DNAAF11: variants seen among roughly 807,000 people sequenced by gnomAD.
The protein encoded by DNAAF11 is leucine rich repeat containing 6.
Under a neutral mutation model 60.8 loss-of-function variants are expected in DNAAF11, and 45 were observed. That is an observed-to-expected ratio of 0.74 (90% confidence interval 0.58 to 0.95). The LOEUF (loss-of-function observed/expected upper bound fraction) is 0.95, where lower values mean the gene tolerates loss of function less well. DNAAF11 is among the 40% of genes least tolerant of loss of function. The pLI, the probability that DNAAF11 is intolerant of heterozygous loss-of-function variation, is 0.00. For synonymous variants in DNAAF11, 191 were observed against 183.5 expected (o/e 1.04, Z -0.33); for missense variants, 546 against 546.2 (o/e 1.00, Z 0.00).
At chr8:132,598,321 G>A (rs548187825) in intron 10 of DNAAF11, among the ~76,000 whole-genome samples, 1 of 152,158 alleles carries the variant, frequency 6.6e-6, no homozygotes, top group Non-Finnish European at 1.5e-5. Context: ...TGTTTTCTAT[G>A]ACATGACACA....
intron 11 of DNAAF11, among the ~76,000 whole-genome samples, chr8:132,577,821 C>T (rs759263376): frequency 1.3e-5 from 2 of 152,008 alleles, no homozygotes; most frequent in Non-Finnish European, 2.9e-5. Flanking sequence ...GCCACCATGC[C>T]TGGCTAATTT....
intron 3 of DNAAF11, among the ~76,000 whole-genome samples, chr8:132,638,845 CT>C (rs1821573703): frequency 6.6e-6 from 1 of 152,190 alleles, no homozygotes; most frequent in African/African-American, 2.4e-5. Flanking sequence ...AATTAATCCC[CT>C]CATTCACATT....
At chr8:132,655,742 ACG>A (rs201481259) in intron 3 of DNAAF11, among the ~76,000 whole-genome samples, 2,207 of 108,728 alleles carry the variant, frequency 0.02, 64 homozygotes, top group African/African-American at 0.13. Context: ...CATAAGGTAA[ACG>A]CAAATCAAAT....
chr8:132,611,035 C>G (rs1031378796), intron 9 of DNAAF11, among the ~76,000 whole-genome samples: 7 of 152,134 alleles, frequency 4.6e-5, no homozygotes, highest in Admixed American at 4.6e-4. Flanking sequence ...GCTGGGATTA[C>G]GGGCATGAGC....
In DNAAF11 at chr8:132,572,227, G is replaced by C; in HGVS notation, c.*79C>G. On this transcript the variant is annotated 3_prime_UTR_variant, in exon 12 of 12. Transcript: ENST00000620350. ...ACAAATAACTCTGTGTTTATCCCAG[G>C]AATAATATGCATATGGTCTCTACAC... 1.7e-5 allele frequency: 20 copies of C among 1,158,486 alleles called. No homozygotes were observed. The South Asian group carries it at 3.4e-4, about 20-fold the overall frequency. The allele number at this position is 1,158,486 out of a possible 1,614,324, so 71.8% of individuals were successfully genotyped here.
At chr8:132,603,373 G>A (rs1157139216) in intron 10 of DNAAF11, among the ~76,000 whole-genome samples, 1 of 152,142 alleles carries the variant, frequency 6.6e-6, no homozygotes, top group Non-Finnish European at 1.5e-5. Flanking sequence ...GAAACAACCA[G>A]CAATGAAGCA....
intron 5 of DNAAF11, among the ~76,000 whole-genome samples, chr8:132,627,556 T>C (rs1413792464): frequency 2.0e-5 from 3 of 152,210 alleles, no homozygotes; most frequent in African/African-American, 7.2e-5. Flanking sequence ...TTTCAGGTAC[T>C]AAAGGGTCTA....
At chr8:132,580,220 C>T (rs1188791621) in intron 11 of DNAAF11, among the ~76,000 whole-genome samples, 4 of 152,138 alleles carry the variant, frequency 2.6e-5, no homozygotes, top group Non-Finnish European at 5.9e-5. Context: ...CTTAGCAGAA[C>T]AACAAAGATG....
chr8:132,623,112 T>C (rs1820297386), intron 6 of DNAAF11, among the ~76,000 whole-genome samples: 1 of 152,150 alleles, frequency 6.6e-6, no homozygotes, highest in South Asian at 2.1e-4. Flanking sequence ...ATCTATTCAA[T>C]AGAAATAAAA....
chr8:132,578,985 C>T (rs1815045281), intron 11 of DNAAF11, among the ~76,000 whole-genome samples: 1 of 152,198 alleles, frequency 6.6e-6, no homozygotes, highest in Non-Finnish European at 1.5e-5. Context: ...AAGTAAATGC[C>T]CACTGCTCAC....
chr8:132,628,258 A>G (rs1278171934), intron 5 of DNAAF11, among the ~76,000 whole-genome samples: 1 of 152,100 alleles, frequency 6.6e-6, no homozygotes, highest in Non-Finnish European at 1.5e-5. Flanking sequence ...CTAAAGATAC[A>G]AAAATTACTC....
At chr8:132,616,259 C>T (rs563429416) in intron 7 of DNAAF11, among the ~76,000 whole-genome samples, 1 of 152,190 alleles carries the variant, frequency 6.6e-6, no homozygotes, top group South Asian at 2.1e-4. Context: ...GAGGGACAGT[C>T]GTTGTATGGC....
At chr8:132,574,041 G>C (rs1814487541) in intron 11 of DNAAF11, among the ~76,000 whole-genome samples, 1 of 152,180 alleles carries the variant, frequency 6.6e-6, no homozygotes, top group Non-Finnish European at 1.5e-5. Context: ...GCAATAAAGG[G>C]AGAATTAATG....
intron 10 of DNAAF11, among the ~76,000 whole-genome samples, chr8:132,590,344 TCAGGTGACCTTTC>T (rs1174769628): frequency 6.6e-6 from 1 of 152,242 alleles, no homozygotes; most frequent in African/African-American, 2.4e-5. Context: ...TTGGTTTCTT[TCAGGTGACCTTTC>T]CAGGTGACCT....
intron 7 of DNAAF11, among the ~76,000 whole-genome samples, chr8:132,616,353 T>C (rs933831035): frequency 1.3e-5 from 2 of 152,078 alleles, no homozygotes; most frequent in Admixed American, 1.3e-4. Flanking sequence ...TAGAACAGAA[T>C]GTAGGAGGCC....
intron 3 of DNAAF11, among the ~76,000 whole-genome samples, chr8:132,646,567 T>C (rs1822410296): frequency 6.6e-6 from 1 of 152,146 alleles, no homozygotes; most frequent in African/African-American, 2.4e-5. Flanking sequence ...TCAAGACCCA[T>C]CAGTGTGCTG....
chr8:132,665,061 T>C (rs1296326118), intron 1 of DNAAF11, among the ~76,000 whole-genome samples: 9 of 151,754 alleles, frequency 5.9e-5, no homozygotes, highest in Non-Finnish European at 1.2e-4. Flanking sequence ...TAAAAGAAAA[T>C]AAATAATTGC....
intron 4 of DNAAF11, among the ~76,000 whole-genome samples, chr8:132,633,279 T>A (rs943807581): frequency 1.3e-5 from 2 of 152,074 alleles, no homozygotes; most frequent in African/African-American, 4.8e-5. Context: ...TTAAGTCAAA[T>A]CATAGCTTCA....
chr8:132,630,332 T>C (rs947555546), intron 5 of DNAAF11, among the ~76,000 whole-genome samples: 1 of 152,144 alleles, frequency 6.6e-6, no homozygotes, highest in Non-Finnish European at 1.5e-5. Flanking sequence ...AGAAGGGATA[T>C]AGTAAGGGTA....
Sources: allele counts gnomAD v4.1 joint callset (sites outside exome capture counted in the v4.1 genomes callset), GRCh38; gene constraint gnomAD v4.1.1; transcripts MANE v1.5; gene names NCBI Gene and HGNC (gene_info 2026-07-23, HGNC 2026-07-21).